Variants in PCDH15 observed in about 807,000 individuals in gnomAD.
PCDH15 encodes the protein protocadherin related 15.
In PCDH15, 129 loss-of-function variants were observed where a neutral mutation model predicts 178.5. The observed-to-expected ratio is 0.72, with a 90% confidence interval of 0.63 to 0.84. The LOEUF is 0.84. Ranked by LOEUF, PCDH15 falls within the 40% of genes least tolerant of loss-of-function variation. The pLI, the probability that PCDH15 is intolerant of heterozygous loss-of-function variation, is 0.00. For synonymous variants in PCDH15, 800 were observed against 732.0 expected, an observed-to-expected ratio of 1.09 and a Z score of -1.50; for missense variants, 2,230 against 2,099.9, an observed-to-expected ratio of 1.06 and a Z score of -1.21.
chr10:54,047,814 C>T (rs2093686706), intron 18 of PCDH15, among the ~76,000 whole-genome samples: 1 of 152,106 alleles, frequency 6.6e-6, no homozygotes, highest in Non-Finnish European at 1.5e-5. Flanking sequence ...TCAAATCCAC[C>T]ATTGTTGGGC....
At chr10:54,638,589 C>G (rs569162610) in intron 2 of PCDH15, among the ~76,000 whole-genome samples, 1 of 152,058 alleles carries the variant, frequency 6.6e-6, no homozygotes, top group Non-Finnish European at 1.5e-5. Flanking sequence ...ATTTTTTACA[C>G]TTGTCAACTA....
chr10:55,113,161 G>C (rs1333687985), intron 2 of PCDH15, among the ~76,000 whole-genome samples: 1 of 152,066 alleles, frequency 6.6e-6, no homozygotes, highest in East Asian at 1.9e-4. Context: ...TCAATTTTTG[G>C]TATTTTGTTA....
chr10:54,805,380 G>C (rs936992690), upstream of PCDH15, among the ~76,000 whole-genome samples: 1 of 152,022 alleles, frequency 6.6e-6, no homozygotes, highest in Non-Finnish European at 1.5e-5. Context: ...CATTCTAGAC[G>C]ACTTATTGTC....
At chr10:54,877,235 T>G (rs2131801651) in intron 3 of PCDH15, among the ~76,000 whole-genome samples, 1 of 152,314 alleles carries the variant, frequency 6.6e-6, no homozygotes, top group African/African-American at 2.4e-5. Context: ...AAGCATAATT[T>G]TTATATGCAC....
At chr10:55,304,478 C>T (rs1307640325) in intron 1 of PCDH15, among the ~76,000 whole-genome samples, 2 of 152,124 alleles carry the variant, frequency 1.3e-5, no homozygotes, top group Non-Finnish European at 2.9e-5. Flanking sequence ...ATAAATGTAA[C>T]TTATATTAAC....
At chr10:54,679,974 A>G (rs1362823422) in intron 1 of PCDH15, among the ~76,000 whole-genome samples, 1 of 152,220 alleles carries the variant, frequency 6.6e-6, no homozygotes, top group African/African-American at 2.4e-5. Flanking sequence ...GTATTTGAGT[A>G]TATGCTATAT....
chr10:54,243,571 C>T (rs141301658), intron 8 of PCDH15, among the ~76,000 whole-genome samples: 2 of 152,124 alleles, frequency 1.3e-5, no homozygotes, highest in African/African-American at 4.8e-5. Flanking sequence ...TACTATTTTC[C>T]TCAAAGCTCT....
chr10:55,180,423 A>G (rs992363726), intron 1 of PCDH15, among the ~76,000 whole-genome samples: 1 of 152,104 alleles, frequency 6.6e-6, no homozygotes, highest in African/African-American at 2.4e-5. Flanking sequence ...TGTGCTTTAG[A>G]TAAGTTAAGG....
intron 3 of PCDH15, among the ~76,000 whole-genome samples, chr10:54,883,964 A>G (rs1404846723): frequency 6.6e-6 from 1 of 151,996 alleles, no homozygotes; most frequent in African/African-American, 2.4e-5. Context: ...TTTCAGCTTA[A>G]TTTATTGTTT....
chr10:54,940,838 A>T (rs552223474), intron 2 of PCDH15, among the ~76,000 whole-genome samples: 64 of 152,180 alleles, frequency 4.2e-4, no homozygotes, highest in African/African-American at 1.5e-3. Flanking sequence ...TATTACTAAT[A>T]TGGTTCCTCT....
chr10:54,788,217 G>C (rs1591636969), intron 1 of PCDH15, among the ~76,000 whole-genome samples: 1 of 151,892 alleles, frequency 6.6e-6, no homozygotes, highest in African/African-American at 2.4e-5. Context: ...TGATATATGG[G>C]TTTCAAGCTT....
chr10:55,097,687 G>C (rs1159666127), intron 2 of PCDH15, among the ~76,000 whole-genome samples: 1 of 149,628 alleles, frequency 6.7e-6, no homozygotes, highest in Non-Finnish European at 1.5e-5. Flanking sequence ...GAAGTCACCA[G>C]ATAGATAGAT....
intron 10 of PCDH15, among the ~76,000 whole-genome samples, chr10:54,203,273 A>G (rs1277449625): frequency 6.6e-6 from 1 of 152,214 alleles, no homozygotes; most frequent in Non-Finnish European, 1.5e-5. Context: ...GGAATACTCT[A>G]CAAGTAATAA....
chr10:55,212,608 A>C (rs1372652069), intron 1 of PCDH15, among the ~76,000 whole-genome samples: 1 of 152,088 alleles, frequency 6.6e-6, no homozygotes, highest in Admixed American at 6.5e-5. Flanking sequence ...AACAGAGCGC[A>C]TGAACTGAGT....
intron 2 of PCDH15, among the ~76,000 whole-genome samples, chr10:55,346,296 A>T (rs1260228776): frequency 1.3e-5 from 2 of 152,328 alleles, no homozygotes; most frequent in East Asian, 3.9e-4. Flanking sequence ...TACACATTGC[A>T]ATGAAGAAGA....
chr10:55,457,646 G>A (rs984213801), intron 2 of PCDH15, among the ~76,000 whole-genome samples: 2 of 152,018 alleles, frequency 1.3e-5, no homozygotes, highest in African/African-American at 4.8e-5. Context: ...AGCTAGGATA[G>A]GGTGGATGAC....
At chr10:54,898,624 A>G (rs1458317733) in intron 2 of PCDH15, among the ~76,000 whole-genome samples, 9 of 152,152 alleles carry the variant, frequency 5.9e-5, no homozygotes, top group Non-Finnish European at 1.2e-4. Flanking sequence ...TGAATTTTCT[A>G]TCCAATAAAT....
chr10:55,411,366 T>A (rs970843801), intron 2 of PCDH15, among the ~76,000 whole-genome samples: 2 of 152,072 alleles, frequency 1.3e-5, no homozygotes, highest in East Asian at 3.9e-4. Context: ...TGAACTAAAA[T>A]TAACAAATAT....
rs1176102440 is a variant in PCDH15 at position 55,252,284 on chromosome 10, T to C, written c.-156+67315A>G. 3.3e-5 allele frequency among the ~76,000 whole-genome samples: 5 copies of C among 152,062 alleles called. No homozygotes were observed. In the East Asian group the frequency reaches 9.6e-4, roughly 29 times the overall value. ...GGCAACAGATTACACCCTACCCAAA[T>C]AGGAGTGCAAATAAAAAGCTGTAGC... On this transcript the variant is annotated intron_variant, in intron 1 of 5. Coordinates refer to the PCDH15 transcript ENST00000458638.
Sources: gnomAD v4.1 joint callset for allele counts (sites outside exome capture counted in the v4.1 genomes callset) on GRCh38, gnomAD v4.1.1 for gene constraint, MANE v1.5 for transcripts, NCBI Gene and HGNC (gene_info 2026-07-23, HGNC 2026-07-21) for gene names.